Variants in POLN observed in about 807,000 individuals in gnomAD.
POLN encodes DNA polymerase N.
In POLN, 108 loss-of-function variants were observed where a neutral mutation model predicts 113.5. That is an observed-to-expected ratio of 0.95 (90% CI 0.81 to 1.12). The LOEUF (loss-of-function observed/expected upper bound fraction) is 1.12. Ranked by LOEUF, POLN falls within the 50% of genes most tolerant of loss-of-function variation. POLN has a pLI of 0.00. For synonymous variants in POLN, 386 were observed against 391.5 expected, an observed-to-expected ratio of 0.99 and a Z score of 0.17; for missense variants, 1,097 against 1,077.1, an observed-to-expected ratio of 1.02 and a Z score of -0.26.
At chr4:2,123,139 C>A (rs1337542316) in intron 19 of POLN, among the ~76,000 whole-genome samples, 2 of 152,018 alleles carry the variant, frequency 1.3e-5, no homozygotes, top group Non-Finnish European at 2.9e-5. Context: ...TGCATTCCCA[C>A]TAAGGGTAAC....
intron 19 of POLN, among the ~76,000 whole-genome samples, chr4:2,124,487 C>G (rs530400862): frequency 1.3e-5 from 2 of 152,098 alleles, no homozygotes; most frequent in Admixed American, 1.3e-4. Flanking sequence ...CCATGTTGCC[C>G]AGGCTGGTCT....
intron 13 of POLN, among the ~76,000 whole-genome samples, chr4:2,160,363 T>C (rs923455946): frequency 3.3e-5 from 5 of 152,322 alleles, no homozygotes; most frequent in African/African-American, 1.2e-4. Flanking sequence ...TGGTCTGTTA[T>C]ATTTATTGGA....
chr4:2,239,058 G>A (rs749313514), intron 2 of POLN: 7 of 1,395,028 alleles, frequency 5.0e-6, no homozygotes, highest in South Asian at 1.7e-5. Context: ...ACAAAGAAAA[G>A]CAATTACATT....
intron 3 of POLN, chr4:2,227,354 A>G (rs1347857041): frequency 1.3e-5 from 2 of 152,220 alleles, no homozygotes; most frequent in African/African-American, 4.8e-5. Context: ...TCCCCACTGC[A>G]GCCTCAGGAG....
Position 2,085,600 on chromosome 4 carries a change from G to T in POLN, c.2197+13C>A. ...TGGCAGGGAGCAGGGAGCTCTGGTTGTGGCCAACTCACCTGTCTGGTGACA... is the reference window on the plus strand; with the variant it reads ...TGGCAGGGAGCAGGGAGCTCTGGTTTTGGCCAACTCACCTGTCTGGTGACA... On this transcript the variant is annotated intron_variant, in intron 21 of 25. Coordinates refer to ENST00000511885, the MANE Select transcript of POLN (RefSeq NM_181808.4). 6.2e-7 allele frequency: 1 copy of T among 1,613,598 alleles called. No homozygotes were observed.
chr4:2,195,402 G>T (rs1236368622), intron 6 of POLN, among the ~76,000 whole-genome samples: 2 of 151,422 alleles, frequency 1.3e-5, no homozygotes, highest in African/African-American at 4.9e-5. Context: ...TGGTGGGGTT[G>T]GCAGTGGGGT....
chr4:2,074,871 C>A (rs959224214), intron 24 of POLN, among the ~76,000 whole-genome samples: 2 of 152,118 alleles, frequency 1.3e-5, no homozygotes, highest in Non-Finnish European at 2.9e-5. Context: ...GAGGCCCCGG[C>A]CCTCCCAAGG....
In POLN at chr4:2,088,817, T is replaced by C. The variant is rs542220455; in HGVS notation, c.2066-3073A>G. On this transcript the variant is annotated intron_variant, in intron 20 of 25. Transcript: ENST00000511885. ...CGCTACAAGAGGACTTATTTCTTTGTCCTTTACATCTTGAACTTGTCTACT... is the reference window on the plus strand; with the variant it reads ...CGCTACAAGAGGACTTATTTCTTTGCCCTTTACATCTTGAACTTGTCTACT... 6 of 1,436,058 alleles carry C rather than the reference T, an allele frequency of 4.2e-6. No homozygotes were observed. In the Admixed American group the frequency reaches 8.3e-5, roughly 20 times the overall value. 89.0% of individuals were successfully genotyped at this position (1,436,058 alleles called of 1,614,324 possible).
At position 2,207,976 on chromosome 4, in the gene POLN, T is replaced by TTAAAC. The variant is rs1560094024; in HGVS notation, c.714+10_714+11insGTTTA. On this transcript the variant is annotated intron_variant, in intron 5 of 25. Coordinates refer to ENST00000511885, the MANE Select transcript of POLN (RefSeq NM_181808.4). ...TCAAGACAGCAAATAAAAACATCAC[T>TTAAAC]GTTTACTAACCTGGTCAGCTCCTAG... is the stretch of plus-strand genomic sequence containing the variant. 6.4e-7 allele frequency: 1 copy of TTAAAC among 1,570,350 alleles called. No individual in the cohort carries two copies. The highest frequency in any genetic ancestry group is 1.2e-5 in the South Asian group (1 of 83,504).
chr4:2,124,245 G>A (rs528318515), intron 19 of POLN, among the ~76,000 whole-genome samples: 6 of 152,050 alleles, frequency 3.9e-5, no homozygotes, highest in Admixed American at 1.3e-4. Flanking sequence ...TGGGGTGATC[G>A]AAATGTTCTG....
At chr4:2,198,759 T>C in intron 5 of POLN, 42 bp from the exon 6 acceptor site, 1 of 1,515,826 alleles carries the variant, frequency 6.6e-7, no homozygotes, top group Admixed American at 2.0e-5. Context: ...AGACAACATA[T>C]CTGTTGTAGA....
chr4:2,161,102 G>A (rs541238990), intron 13 of POLN, among the ~76,000 whole-genome samples: 31 of 152,282 alleles, frequency 2.0e-4, no homozygotes, highest in Admixed American at 1.0e-3. Context: ...AGGTGACACC[G>A]CGCTGGCACT....
chr4:2,241,067 T>C (rs1328179452), intron 2 of POLN: 1 of 716,330 alleles, frequency 1.4e-6, no homozygotes, highest in South Asian at 1.9e-5. Context: ...AGGGAAAATA[T>C]ATTTTTAGAA....
rs908113107 is a variant in POLN, at chr4:2,155,920, C to T, written c.1731+868G>A. Among the ~76,000 whole-genome samples, 22 of 151,940 alleles carry T rather than the reference C, an allele frequency of 1.4e-4. 1 individual carries two copies. The highest frequency in any genetic ancestry group is 5.2e-4 in the Admixed American group (8 of 15,254). On this transcript the variant is annotated intron_variant, in intron 16 of 25. Coordinates refer to ENST00000511885, the MANE Select transcript of POLN (RefSeq NM_181808.4). Reference sequence around the variant, plus strand: ...CGTTATCTCGGCTCACTGCAAGCTCCGCCTCCTGGGTTCACACCATTTTCC... The same window carrying T: ...CGTTATCTCGGCTCACTGCAAGCTCTGCCTCCTGGGTTCACACCATTTTCC...
Position 2,179,467 on chromosome 4 carries a change from T to C in POLN, c.1022-2A>G, listed in dbSNP as rs767951306. On this transcript the variant is annotated splice_acceptor_variant, in intron 7 of 25. Coordinates refer to ENST00000511885, the MANE Select transcript of POLN (RefSeq NM_181808.4). LOFTEE classifies it high-confidence loss of function. ...GATCTAGCCCTATAAAATCAGCAAC[T>C]GAAGAGAAAAAGGTCATTCAGTCAT... 60 of 1,612,160 alleles carry C rather than the reference T, an allele frequency of 3.7e-5. No individual in the cohort carries two copies. The Admixed American group carries it at 4.0e-4, about 11-fold the overall frequency.
At chr4:2,081,231 G>A (rs1435167695) in intron 22 of POLN, 195 bp from the exon 23 acceptor site, 2 of 1,524,598 alleles carry the variant, frequency 1.3e-6, no homozygotes, top group Non-Finnish European at 1.8e-6. Flanking sequence ...TGCTCCTGCA[G>A]GGCACCTGGG....
intron 6 of POLN, among the ~76,000 whole-genome samples, chr4:2,196,730 C>T (rs1733584497): frequency 6.6e-6 from 1 of 152,008 alleles, no homozygotes; most frequent in Non-Finnish European, 1.5e-5. Context: ...CTCCCCCTTC[C>T]CCAGGAAAGG....
intron 16 of POLN, among the ~76,000 whole-genome samples, chr4:2,149,168 C>A (rs1051443298): frequency 6.6e-6 from 1 of 152,106 alleles, no homozygotes; most frequent in Admixed American, 6.5e-5. Context: ...GTGGTATGCG[C>A]CTGTAGTCCC....
chr4:2,082,486 T>A (rs888932381), intron 21 of POLN, among the ~76,000 whole-genome samples: 1 of 152,114 alleles, frequency 6.6e-6, no homozygotes, highest in African/African-American at 2.4e-5. Context: ...TGGCCTGAAG[T>A]GTATGCAATT....
Sources: allele counts gnomAD v4.1 joint callset (sites outside exome capture counted in the v4.1 genomes callset), GRCh38; gene constraint gnomAD v4.1.1; transcripts MANE v1.5; gene names NCBI Gene and HGNC (gene_info 2026-07-23, HGNC 2026-07-21).